PDE7A: variants seen among roughly 807,000 people sequenced by gnomAD.
The protein encoded by PDE7A is high affinity 3',5'-cyclic-AMP phosphodiesterase 7A.
PDE7A carries 39 observed loss-of-function variants against 64.3 expected under a neutral mutation model. That is an observed-to-expected ratio of 0.61 (90% CI 0.47 to 0.79). The LOEUF (loss-of-function observed/expected upper bound fraction) is 0.79. Ranked by LOEUF, PDE7A falls within the 30% of genes least tolerant of loss-of-function variation. The pLI, the probability that PDE7A is intolerant of heterozygous loss-of-function variation, is 0.00. For missense variants in PDE7A, 470 were observed against 582.8 expected (o/e 0.81, Z 1.99); for synonymous variants, 203 against 206.8 (o/e 0.98, Z 0.16).
rs1806513341 is a variant in PDE7A, at chr8:65,724,202, G to A, written c.1162+53C>T. 4.4e-6 allele frequency: 5 copies of A among 1,146,454 alleles called. No homozygotes were observed. In the South Asian group the frequency reaches 6.3e-5, roughly 14 times the overall value. 71.0% of individuals were successfully genotyped at this position (1,146,454 alleles called of 1,614,324 possible). A position where few individuals can be genotyped will look rare whatever the true frequency, so the allele number is the denominator to read the frequency against. On this transcript the variant is annotated intron_variant, in intron 11 of 12. Transcript: ENST00000401827. Reference sequence around the variant, plus strand: ...TATTGAGTTATTTTATTCTTACGATGTTAAAAAAAAATGAACTGGATAGAT... The same window carrying A: ...TATTGAGTTATTTTATTCTTACGATATTAAAAAAAAATGAACTGGATAGAT...
At chr8:65,770,836 T>C (rs1809047184) in intron 3 of PDE7A, 2 of 156,988 alleles carry the variant, frequency 1.3e-5, no homozygotes, top group Non-Finnish European at 2.9e-5. Context: ...TGCCTAAGTT[T>C]CTAAATTTGA....
chr8:65,792,392 C>T (rs2128926284), intron 1 of PDE7A, among the ~76,000 whole-genome samples: 1 of 152,276 alleles, frequency 6.6e-6, no homozygotes, highest in Middle Eastern at 3.4e-3. Context: ...TGACTTTGTT[C>T]ATTGTTTCTT....
intron 1 of PDE7A, among the ~76,000 whole-genome samples, chr8:65,784,566 T>C (rs760849595): frequency 1.5e-4 from 23 of 152,126 alleles, no homozygotes; most frequent in Non-Finnish European, 2.8e-4. Flanking sequence ...AACTGTCCTA[T>C]AAAAATCCCT....
rs1806075479 is a variant in PDE7A, at chr8:65,715,001, A to C, written c.*4289T>G. On this transcript the variant is annotated 3_prime_UTR_variant, in exon 13 of 13. Coordinates refer to ENST00000401827, the MANE Select transcript of PDE7A (RefSeq NM_001242318.3). ...TCTTTTTTAAAGTTAGGACTTGTCAAAATTTTCTCTCCAAGGACCTTTTAC... is the reference window on the plus strand; with the variant it reads ...TCTTTTTTAAAGTTAGGACTTGTCACAATTTTCTCTCCAAGGACCTTTTAC... 6.6e-6 allele frequency among the ~76,000 whole-genome samples: 1 copy of C among 152,164 alleles called. No individual in the cohort carries two copies. The highest frequency in any genetic ancestry group is 2.4e-5 in the African/African-American group (1 of 41,438).
intron 1 of PDE7A, among the ~76,000 whole-genome samples, chr8:65,820,354 C>A (rs1810513028): frequency 6.6e-6 from 1 of 152,116 alleles, no homozygotes; most frequent in Admixed American, 6.5e-5. Context: ...TGAGATCATG[C>A]CACTTCATTA....
At position 65,841,953 on chromosome 8, in the gene PDE7A, G is replaced by A. The variant is rs113449182; in HGVS notation, c.-445C>T. On this transcript the variant is annotated 5_prime_UTR_variant, in exon 1 of 13. Coordinates refer to ENST00000401827, the MANE Select transcript of PDE7A (RefSeq NM_001242318.3). ...AGGGCGCGCGGGACTCAGGAGCAGC[G>A]ACCAGCTCGGGCCGCCGCCGCCGCC... 0.08 allele frequency: 19,028 copies of A among 238,308 alleles called. 1,162 individuals carry two copies. The highest frequency in any genetic ancestry group is 0.11 in the Non-Finnish European group (14,302 of 128,918). The allele number at this position is 238,308 out of a possible 1,614,324, so 14.8% of individuals were successfully genotyped here.
At chr8:65,772,088 A>T (rs963871038) in intron 3 of PDE7A, among the ~76,000 whole-genome samples, 1 of 152,146 alleles carries the variant, frequency 6.6e-6, no homozygotes, top group African/African-American at 2.4e-5. Context: ...GGATTTAATG[A>T]GACTGGATTT....
In PDE7A at chr8:65,841,449, G is replaced by A; in HGVS notation, c.60C>T (p.Val20=). ...LPLDRPVPQH[V]LSRRGAISFS... ...AGCTGATGGCTCCTCGGCGGCTGAGGACGTGCTGGGGGACCGGCCTGTCCA... is the reference window on the plus strand; with the variant it reads ...AGCTGATGGCTCCTCGGCGGCTGAGAACGTGCTGGGGGACCGGCCTGTCCA... The change falls in exon 1 of 13, where the codon GTC becomes GTT. Residue 20 remains valine (V), a synonymous_variant. Transcript: ENST00000401827. 3 of 1,565,610 alleles carry A rather than the reference G, an allele frequency of 1.9e-6. No individual in the cohort carries two copies. Among genetic ancestry groups the A allele is most frequent in the South Asian group, 1.2e-5 (1 of 86,216 alleles).
intron 1 of PDE7A, among the ~76,000 whole-genome samples, chr8:65,790,288 T>C (rs1270492530): frequency 6.6e-6 from 1 of 152,156 alleles, no homozygotes; most frequent in Admixed American, 6.5e-5. Flanking sequence ...TTCAATCTAC[T>C]GAAGTACTGT....
At chr8:65,834,217 T>A (rs544494966) in intron 1 of PDE7A, among the ~76,000 whole-genome samples, 1 of 152,314 alleles carries the variant, frequency 6.6e-6, no homozygotes, top group East Asian at 1.9e-4. Context: ...ATGAAGATGA[T>A]GAGGTTCATG....
chr8:65,721,956 A>T (rs1806397041), intron 12 of PDE7A: 1 of 151,932 alleles, frequency 6.6e-6, no homozygotes. Flanking sequence ...CACCCAGCTA[A>T]TTTTTGTATT....
At chr8:65,816,615 T>C (rs948215738) in intron 1 of PDE7A, among the ~76,000 whole-genome samples, 1 of 152,244 alleles carries the variant, frequency 6.6e-6, no homozygotes, top group African/African-American at 2.4e-5. Flanking sequence ...TTTTGCTAAA[T>C]ATAGACTTCT....
At chr8:65,821,414 A>G (rs1810539370) in intron 1 of PDE7A, among the ~76,000 whole-genome samples, 2 of 152,200 alleles carry the variant, frequency 1.3e-5, no homozygotes, top group African/African-American at 4.8e-5. Context: ...CAACCCAAAG[A>G]AAGCAAAATA....
intron 1 of PDE7A, among the ~76,000 whole-genome samples, chr8:65,789,466 CTT>C (rs1032523174): frequency 6.6e-6 from 1 of 151,996 alleles, no homozygotes; most frequent in African/African-American, 2.4e-5. Flanking sequence ...ATTTGTTCAA[CTT>C]TTTATTTCTT....
intron 2 of PDE7A, among the ~76,000 whole-genome samples, chr8:65,780,590 C>G (rs986561566): frequency 6.6e-6 from 1 of 152,078 alleles, no homozygotes; most frequent in Non-Finnish European, 1.5e-5. Flanking sequence ...CTTCTCTCAT[C>G]GACCCTCAGA....
intron 5 of PDE7A, among the ~76,000 whole-genome samples, chr8:65,740,700 C>T (rs1807385326): frequency 6.6e-6 from 1 of 152,180 alleles, no homozygotes; most frequent in African/African-American, 2.4e-5. Context: ...CACGCCTGGC[C>T]AAGTTTCCCT....
intron 3 of PDE7A, among the ~76,000 whole-genome samples, chr8:65,752,979 T>A (rs1179168978): frequency 6.6e-6 from 1 of 152,228 alleles, no homozygotes; most frequent in Non-Finnish European, 1.5e-5. Flanking sequence ...ATTCTGAATG[T>A]ACATGTCTAA....
At chr8:65,834,208 T>C (rs368076228) in intron 1 of PDE7A, among the ~76,000 whole-genome samples, 2 of 152,174 alleles carry the variant, frequency 1.3e-5, no homozygotes, top group East Asian at 3.8e-4. Flanking sequence ...CTACTCAACA[T>C]GAAGATGATG....
intron 7 of PDE7A, among the ~76,000 whole-genome samples, chr8:65,729,727 T>C (rs559931660): frequency 1.6e-5 from 2 of 122,768 alleles, no homozygotes; most frequent in South Asian, 4.9e-4. Context: ...CATGCCTGAC[T>C]TTTTTTTTTT....
Sources: allele counts gnomAD v4.1 joint callset (sites outside exome capture counted in the v4.1 genomes callset), GRCh38; gene constraint gnomAD v4.1.1; transcripts MANE v1.5; gene names NCBI Gene and HGNC (gene_info 2026-07-23, HGNC 2026-07-21).